The following A2ML1 variants were observed in gnomAD, a reference collection of about 807,000 sequenced individuals.
A2ML1 encodes the protein alpha-2-macroglobulin-like protein 1.
Under a neutral mutation model 181.9 loss-of-function variants are expected in A2ML1, and 161 were observed. The observed-to-expected ratio is 0.89, with a 90% CI of 0.78 to 1.01. The LOEUF is 1.01. A2ML1 is among the 50% of genes least tolerant of loss of function. The pLI is 0.00. For synonymous variants in A2ML1, 663 were observed against 666.8 expected (o/e 0.99, Z 0.09); for missense variants, 1,670 against 1,768.1 (o/e 0.94, Z 1.00).
chr12:8,871,906 G>A (rs921258049), intron 33 of A2ML1, among the ~76,000 whole-genome samples: 7 of 152,012 alleles, frequency 4.6e-5, no homozygotes, highest in Non-Finnish European at 5.9e-5. Flanking sequence ...CTGGCCGGGC[G>A]CAGTGGCTCA....
rs1020523735 is a variant in A2ML1, at chr12:8,847,670, G to A, written c.1805G>A (p.Arg602Lys). The A allele has an allele frequency of 5.6e-6, 9 of 1,613,294 alleles. No individual in the cohort carries two copies. The highest frequency in any genetic ancestry group is 7.6e-6 in the Non-Finnish European group (9 of 1,179,680). ...GTGGATGAGAGTGTCTTACTGCTTA[G>A]GCCAGACAGAGAGCTGAGCAACCGC... ...RAVDESVLLL[R>K]PDRELSNRSV... is the part of the protein sequence containing the mutation. Residue 602 changes from arginine (R) to lysine (K), a missense_variant, in exon 15 of 36, where the codon AGG becomes AAG. Coordinates refer to ENST00000299698, the MANE Select transcript of A2ML1 (RefSeq NM_144670.6).
intron 3 of A2ML1, among the ~76,000 whole-genome samples, chr12:8,825,626 G>T (rs117790657): frequency 2.0e-3 from 302 of 152,186 alleles, no homozygotes; most frequent in Non-Finnish European, 3.5e-3. Context: ...TTTTGCTTTG[G>T]TTTCTTGTGC....
chr12:8,868,114 T>TTCC, intron 30 of A2ML1, 57 bp downstream of exon 30: 1 of 1,609,040 alleles, frequency 6.2e-7, no homozygotes, highest in South Asian at 1.1e-5. Flanking sequence ...GGAGAGCATC[T>TTCC]TCCCCTTAGG....
At position 8,850,233 on chromosome 12, in the gene A2ML1, G is replaced by C; in HGVS notation, c.2193G>C (p.Gln731His). Reference sequence around the variant, plus strand: ...AAGCAGAGGATTCTCAGGTCCGCCAGTACTTCCCAGAGACCTGGCTCTGGG... The same window carrying C: ...AAGCAGAGGATTCTCAGGTCCGCCACTACTTCCCAGAGACCTGGCTCTGGG... ...LHQAEDSQVR[Q>H]YFPETWLWDL... Residue 731 changes from glutamine to histidine, a missense_variant, in exon 18 of 36, where the codon CAG becomes CAC. Transcript: ENST00000299698. 6.2e-7 allele frequency: 1 copy of C among 1,613,430 alleles called. No individual in the cohort carries two copies. The highest frequency in any genetic ancestry group is 8.5e-7 in the Non-Finnish European group (1 of 1,179,796).
chr12:8,838,537 C>A, intron 9 of A2ML1, 87 bp downstream of exon 9: 3 of 971,940 alleles, frequency 3.1e-6, no homozygotes, highest in East Asian at 2.6e-5. Context: ...TATACAAGAC[C>A]TACCCTCTTG....
At chr12:8,846,586 G>A (rs950760094) in intron 14 of A2ML1, among the ~76,000 whole-genome samples, 7 of 151,974 alleles carry the variant, frequency 4.6e-5, no homozygotes, top group Non-Finnish European at 5.9e-5. Context: ...TTGGGAGGCC[G>A]AGGTGGGTGG....
chr12:8,840,978 A>AGAAGGAAGGAAGGAAGGAAGGAAGGAAG (rs71045213), intron 10 of A2ML1, among the ~76,000 whole-genome samples: 59 of 125,362 alleles, frequency 4.7e-4, no homozygotes, highest in African/African-American at 1.8e-3. Flanking sequence ...AAGGAAGGAA[A>AGAAGGAAGGAAGGAAGGAAGGAAGGAAG]GAAGGAAGGA....
chr12:8,870,966 T>C (rs1270670831), intron 33 of A2ML1, among the ~76,000 whole-genome samples: 1 of 152,228 alleles, frequency 6.6e-6, no homozygotes, highest in African/African-American at 2.4e-5. Context: ...GTCTTCTCCC[T>C]TGTGTTCTTG....
At chr12:8,845,981 G>C in intron 13 of A2ML1, 96 bp from the exon 14 acceptor site, 1 of 1,380,434 alleles carries the variant, frequency 7.2e-7, no homozygotes, top group Non-Finnish European at 1.0e-6. Flanking sequence ...GCACCATGGT[G>C]CCTGCACTGG....
rs1031689016 is a variant in A2ML1 at position 8,855,569 on chromosome 12, C to A, written c.2825C>A (p.Thr942Asn). The A allele has an allele frequency of 4.3e-6, 7 of 1,613,996 alleles. No individual in the cohort carries two copies. Among genetic ancestry groups the A allele is most frequent in the Admixed American group, 1.7e-5 (1 of 59,984 alleles). Residue 942 changes from threonine to asparagine, a missense_variant, in exon 23 of 36, where the codon ACC (threonine) becomes AAC (asparagine). Physicochemically the swap from Thr to Asn is moderately conservative, Grantham distance 65. Transcript: ENST00000299698. ...ELPVDIVPDS[T>N]KAYVTVLGDI... Reference sequence around the variant, plus strand: ...CCAGTGGACATTGTTCCTGACTCGACCAAGGCTTATGTTACGGTTCTGGGT... The same window carrying A: ...CCAGTGGACATTGTTCCTGACTCGAACAAGGCTTATGTTACGGTTCTGGGT...
chr12:8,858,071 A>T lies in A2ML1; in HGVS notation c.3233A>T (p.Asn1078Ile), dbSNP rs769308270. ...GNQLPSGCYANVGNLLHTAMK... is the reference protein window; with the variant it reads ...GNQLPSGCYAIVGNLLHTAMK... ...CAGCTCCCCAGTGGCTGCTATGCCA[A>T]CGTGGGAAATCTCCTTCACACAGCT... Residue 1078 changes from asparagine to isoleucine, a missense_variant, in exon 26 of 36, where the codon AAC (asparagine) becomes ATC (isoleucine). Coordinates refer to ENST00000299698, the MANE Select transcript of A2ML1 (RefSeq NM_144670.6). 1 of 1,614,198 alleles carries T rather than the reference A, an allele frequency of 6.2e-7. No homozygotes were observed.
rs1478099964 is a variant in A2ML1, at chr12:8,869,258, T to G, written c.4221+55T>G. ...TGGATTGCTTACGGATCTTCATGACTTCCCTTCTAATCTGTATATACGGGT... is the reference window on the plus strand; with the variant it reads ...TGGATTGCTTACGGATCTTCATGACGTCCCTTCTAATCTGTATATACGGGT... On this transcript the variant is annotated intron_variant, in intron 33 of 35. Coordinates refer to ENST00000299698, the MANE Select transcript of A2ML1 (RefSeq NM_144670.6). The G allele has an allele frequency of 1.9e-6, 3 of 1,562,040 alleles. No homozygotes were observed. In the African/African-American group the frequency reaches 4.1e-5, roughly 21 times the overall value.
intron 4 of A2ML1, among the ~76,000 whole-genome samples, chr12:8,831,964 G>A (rs1592106539): frequency 1.3e-5 from 2 of 152,124 alleles, no homozygotes; most frequent in South Asian, 4.1e-4. Context: ...TGGTCAGGCT[G>A]TTCTTGAACT....
rs773421182 is a variant in A2ML1, at chr12:8,861,288, A to C, written c.3493A>C (p.Ile1165Leu). The change falls in exon 28 of 36, where the codon ATC becomes CTC. Residue 1165 changes from isoleucine (I) to leucine (L), a missense_variant. By Grantham distance (5) the Ile-to-Leu change is conservative (BLOSUM62 2). Transcript: ENST00000299698. ...CCTTAAACAGTTAGATCAACAGGCT[A>C]TCATCTCAGGTATGTTGGTCCTGTT... The part of the protein sequence containing the change: ...ILLKQLDQQA[I>L]ISGESIYWSQ... The C allele has an allele frequency of 6.2e-7, 1 of 1,613,910 alleles. No homozygotes were observed. Among genetic ancestry groups the C allele is most frequent in the East Asian group, 2.2e-5 (1 of 44,888 alleles).
chr12:8,829,890 G>T, intron 4 of A2ML1, 111 bp downstream of exon 4: 2 of 1,316,772 alleles, frequency 1.5e-6, no homozygotes, highest in Admixed American at 3.7e-5. Flanking sequence ...AGGCCCTCTG[G>T]GTTGGAGACT....
In A2ML1 at chr12:8,836,343, A is replaced by G. The variant is rs1943275414; in HGVS notation, c.728+4A>G. 1.2e-6 allele frequency: 2 copies of G among 1,612,168 alleles called. No individual in the cohort carries two copies. Among genetic ancestry groups the G allele is most frequent in the Admixed American group, 1.7e-5 (1 of 59,984 alleles). On this transcript the variant is annotated splice_donor_region_variant and intron_variant, in intron 7 of 35. Coordinates refer to ENST00000299698, the MANE Select transcript of A2ML1 (RefSeq NM_144670.6). Reference sequence around the variant, plus strand: ...TCTTAGTAAAAATTTGTTGTAGGTAAGAGCAGAAGCTTGGGATCTGGTGGA... The same window carrying G: ...TCTTAGTAAAAATTTGTTGTAGGTAGGAGCAGAAGCTTGGGATCTGGTGGA...
chr12:8,836,377 A>G, intron 7 of A2ML1, 38 bp downstream of exon 7: 1 of 1,554,822 alleles, frequency 6.4e-7, no homozygotes, highest in Non-Finnish European at 8.9e-7. Flanking sequence ...GAGATTAAAG[A>G]TGCATCGAGA....
chr12:8,844,872 G>A, intron 12 of A2ML1: 1 of 655,360 alleles, frequency 1.5e-6, no homozygotes, highest in Non-Finnish European at 2.1e-6. Context: ...AGGCGTCCAA[G>A]GAACCGACCT....
chr12:8,863,466 T>A (rs1174893530), intron 28 of A2ML1, among the ~76,000 whole-genome samples: 1 of 152,072 alleles, frequency 6.6e-6, no homozygotes, highest in Non-Finnish European at 1.5e-5. Flanking sequence ...CAAACAAAAA[T>A]TGCCCCCAAA....
Sources: allele counts gnomAD v4.1 joint callset (sites outside exome capture counted in the v4.1 genomes callset), GRCh38; gene constraint gnomAD v4.1.1; transcripts MANE v1.5; gene names NCBI Gene and HGNC (gene_info 2026-07-23, HGNC 2026-07-21).